PXDNL: variants seen among roughly 807,000 people sequenced by gnomAD.
PXDNL encodes probable oxidoreductase PXDNL.
PXDNL carries 145 observed loss-of-function variants against 150.8 expected under a neutral mutation model. That is an observed-to-expected ratio of 0.96 (90% CI 0.84 to 1.10). The LOEUF is 1.10. Ranked by LOEUF, PXDNL falls within the 50% of genes least tolerant of loss-of-function variation. The pLI is 0.00. For synonymous variants in PXDNL, 757 were observed against 725.7 expected (o/e 1.04, Z -0.69); for missense variants, 2,087 against 1,873.9 (o/e 1.11, Z -2.10).
At chr8:51,555,667 T>C (rs1320510461) in intron 4 of PXDNL, among the ~76,000 whole-genome samples, 2 of 152,170 alleles carry the variant, frequency 1.3e-5, no homozygotes, top group Admixed American at 1.3e-4. Context: ...TATACAGAAA[T>C]CCTGCCAATA....
At position 51,700,969 on chromosome 8, in the gene PXDNL, A is replaced by T. The variant is rs1816248156; in HGVS notation, c.165-46209T>A. ...CATATACAGACACATACACACATAC[A>T]CAAATTCATATACACACATATACAT... On this transcript the variant is annotated intron_variant, in intron 1 of 22. Transcript: ENST00000356297. Among the ~76,000 whole-genome samples the T allele has an allele frequency of 2.0e-5, 3 of 151,838 alleles. No individual in the cohort carries two copies. The South Asian group carries it at 6.2e-4, about 31-fold the overall frequency.
At chr8:51,608,564 G>A (rs190692241) in intron 2 of PXDNL, among the ~76,000 whole-genome samples, 3,609 of 147,164 alleles carry the variant, frequency 0.025, 152 homozygotes, top group Admixed American at 0.034. Flanking sequence ...CAGGCCGGGC[G>A]CGGTGGCTCA....
intron 12 of PXDNL, among the ~76,000 whole-genome samples, chr8:51,440,813 C>A (rs1460331429): frequency 1.3e-5 from 2 of 152,050 alleles, no homozygotes; most frequent in African/African-American, 4.8e-5. Flanking sequence ...GCTGCTAGGG[C>A]CTATGGCACA....
chr8:51,746,915 G>A (rs1011781271), intron 1 of PXDNL, among the ~76,000 whole-genome samples: 41 of 151,868 alleles, frequency 2.7e-4, no homozygotes, highest in African/African-American at 9.9e-4. Context: ...TAGAGACAGG[G>A]TTTCGCCCTG....
chr8:51,668,423 C>T (rs1484464351), intron 1 of PXDNL, among the ~76,000 whole-genome samples: 1 of 152,032 alleles, frequency 6.6e-6, no homozygotes, highest in Non-Finnish European at 1.5e-5. Context: ...GATCCAGCTG[C>T]CTCGGCCTCC....
chr8:51,743,720 T>C (rs1413010600), intron 1 of PXDNL, among the ~76,000 whole-genome samples: 1 of 152,040 alleles, frequency 6.6e-6, no homozygotes, highest in Non-Finnish European at 1.5e-5. Flanking sequence ...TTTGACCATT[T>C]GGTCAGGCTG....
Position 51,687,790 on chromosome 8 carries a change from A to G in PXDNL, c.165-33030T>C, listed in dbSNP as rs559062120. Among the ~76,000 whole-genome samples, 4 of 152,366 alleles carry G rather than the reference A, an allele frequency of 2.6e-5. No individual in the cohort carries two copies. The East Asian group carries it at 7.7e-4, about 29-fold the overall frequency. ...GGAGCTGTCCTAGTGAAGAAGCCAA[A>G]GACATTCCATGGGAGTGGAGGGAAA... On this transcript the variant is annotated intron_variant, in intron 1 of 22. Coordinates refer to ENST00000356297, the MANE Select transcript of PXDNL (RefSeq NM_144651.5).
chr8:51,728,816 T>A (rs1399506835), intron 1 of PXDNL, among the ~76,000 whole-genome samples: 1 of 152,174 alleles, frequency 6.6e-6, no homozygotes, highest in Admixed American at 6.5e-5. Context: ...GTAGCCTAAG[T>A]CTACAGTGTT....
intron 11 of PXDNL, 101 bp from the exon 12 acceptor site, chr8:51,447,263 A>T: frequency 7.9e-7 from 1 of 1,259,122 alleles, no homozygotes; most frequent in Non-Finnish European, 1.1e-6. Flanking sequence ...CTTTCAGGAA[A>T]TTCTCGGTGC....
At chr8:51,358,523 T>C (rs961930154) in intron 19 of PXDNL, among the ~76,000 whole-genome samples, 2 of 152,120 alleles carry the variant, frequency 1.3e-5, no homozygotes, top group East Asian at 1.9e-4. Context: ...AAACCAAATA[T>C]GCTGATTAAT....
intron 1 of PXDNL, among the ~76,000 whole-genome samples, chr8:51,744,544 C>T (rs1420636307): frequency 4.0e-5 from 6 of 148,214 alleles, no homozygotes; most frequent in African/African-American, 1.5e-4. Context: ...GGCGTGGTGG[C>T]AGGCGCCTGC....
At chr8:51,697,734 A>G (rs1007541288) in intron 1 of PXDNL, among the ~76,000 whole-genome samples, 1 of 152,196 alleles carries the variant, frequency 6.6e-6, no homozygotes, top group Non-Finnish European at 1.5e-5. Context: ...TCATCTATTC[A>G]TCAAGCTGAA....
At chr8:51,396,354 T>C (rs1199123622) in intron 17 of PXDNL, among the ~76,000 whole-genome samples, 1 of 152,204 alleles carries the variant, frequency 6.6e-6, no homozygotes, top group Non-Finnish European at 1.5e-5. Context: ...AGACCCACTG[T>C]CCCCAGAGGC....
chr8:51,754,625 T>C (rs1464837786), intron 1 of PXDNL, among the ~76,000 whole-genome samples: 1 of 152,050 alleles, frequency 6.6e-6, no homozygotes, highest in Admixed American at 6.5e-5. Flanking sequence ...TGCCTCAGCC[T>C]CCCTAGTAGC....
chr8:51,726,452 G>A (rs972190754), intron 1 of PXDNL, among the ~76,000 whole-genome samples: 4 of 152,272 alleles, frequency 2.6e-5, no homozygotes, highest in East Asian at 1.9e-4. Context: ...CCTGTCTTAC[G>A]TCTCTTTGTG....
intron 1 of PXDNL, among the ~76,000 whole-genome samples, chr8:51,772,143 C>T (rs2037302818): frequency 6.6e-6 from 1 of 152,030 alleles, no homozygotes; most frequent in African/African-American, 2.4e-5. Flanking sequence ...CCTCCTGTTT[C>T]CCACTCTCTT....
intron 1 of PXDNL, chr8:51,721,595 G>T (rs1487201055): frequency 1.6e-5 from 5 of 312,360 alleles, no homozygotes; most frequent in Admixed American, 4.0e-5. Context: ...TAACAAACCT[G>T]CACGTTGTGC....
At chr8:51,801,515 G>A (rs554439846) in intron 1 of PXDNL, among the ~76,000 whole-genome samples, 17 of 152,200 alleles carry the variant, frequency 1.1e-4, no homozygotes, top group Admixed American at 2.0e-4. Flanking sequence ...TGGCTCAGGC[G>A]GACATCATGG....
chr8:51,333,232 G>A (rs187565534), intron 21 of PXDNL, among the ~76,000 whole-genome samples: 107 of 152,082 alleles, frequency 7.0e-4, no homozygotes, highest in African/African-American at 2.3e-3. Context: ...TGTAAACAGC[G>A]AAACTAAGCA....
Sources: allele counts gnomAD v4.1 joint callset (sites outside exome capture counted in the v4.1 genomes callset), GRCh38; gene constraint gnomAD v4.1.1; transcripts MANE v1.5; gene names NCBI Gene and HGNC (gene_info 2026-07-23, HGNC 2026-07-21).